The following KCNAB1 variants were observed in gnomAD, a reference collection of about 807,000 sequenced individuals.
KCNAB1 encodes voltage-gated potassium channel subunit beta-1.
Under a neutral mutation model 64.6 loss-of-function variants are expected in KCNAB1, and 35 were observed. The observed-to-expected ratio is 0.54, with a 90% CI of 0.41 to 0.72. KCNAB1 has a LOEUF of 0.72. KCNAB1 is among the 30% of genes least tolerant of loss of function. The pLI is 0.00. For missense variants in KCNAB1, 401 were observed against 512.9 expected (o/e 0.78, Z 2.11); for synonymous variants, 177 against 183.8 (o/e 0.96, Z 0.30).
intron 6 of KCNAB1, 57 bp from the exon 7 acceptor site, chr3:156,465,586 A>T: frequency 6.7e-7 from 1 of 1,484,262 alleles, no homozygotes; most frequent in Non-Finnish European, 9.4e-7. Flanking sequence ...CCAGAGATTT[A>T]GAGAAGAAAA....
intron 8 of KCNAB1, among the ~76,000 whole-genome samples, chr3:156,513,295 C>T (rs975941202): frequency 5.3e-5 from 8 of 152,034 alleles, no homozygotes; most frequent in African/African-American, 1.9e-4. Flanking sequence ...CATTTCATTC[C>T]AAATCCTGTT....
intron 1 of KCNAB1, among the ~76,000 whole-genome samples, chr3:156,307,806 A>G (rs945759075): frequency 6.6e-6 from 1 of 152,224 alleles, no homozygotes; most frequent in African/African-American, 2.4e-5. Flanking sequence ...ATTTTTCAGA[A>G]TACAGTAAGG....
intron 1 of KCNAB1, among the ~76,000 whole-genome samples, chr3:156,266,149 A>AT (rs948030160): frequency 2.0e-4 from 30 of 151,918 alleles, no homozygotes; most frequent in Non-Finnish European, 1.9e-4. Context: ...ATTTTAGCTC[A>AT]TTTTTTTCCC....
intron 8 of KCNAB1, among the ~76,000 whole-genome samples, chr3:156,488,143 T>C (rs1715348371): frequency 1.3e-5 from 2 of 152,142 alleles, no homozygotes; most frequent in African/African-American, 2.4e-5. Context: ...GAGTGTCTAC[T>C]GTATACCACA....
intron 1 of KCNAB1, among the ~76,000 whole-genome samples, chr3:156,125,818 A>G (rs1295968015): frequency 6.6e-6 from 1 of 152,226 alleles, no homozygotes; most frequent in Non-Finnish European, 1.5e-5. Flanking sequence ...GCCAACAGGC[A>G]GCAGGAGATC....
At chr3:156,407,058 C>T (rs1319815365) in intron 1 of KCNAB1, among the ~76,000 whole-genome samples, 1 of 152,216 alleles carries the variant, frequency 6.6e-6, no homozygotes, top group Non-Finnish European at 1.5e-5. Flanking sequence ...TCACTCTTCA[C>T]ATAGAGTCTG....
chr3:156,366,264 A>C (rs1344505200), intron 1 of KCNAB1, among the ~76,000 whole-genome samples: 1 of 152,150 alleles, frequency 6.6e-6, no homozygotes, highest in Non-Finnish European at 1.5e-5. Flanking sequence ...AAAAAGAGTG[A>C]ACTTTGAATA....
At chr3:156,286,065 G>A (rs1005493370) in intron 1 of KCNAB1, among the ~76,000 whole-genome samples, 1 of 152,214 alleles carries the variant, frequency 6.6e-6, no homozygotes, top group African/African-American at 2.4e-5. Flanking sequence ...TCTCAGTGGA[G>A]GTTCTCTGGT....
Position 156,395,543 on chromosome 3 carries a change from TCAAAAAAAAAAAAAAAAA to T in KCNAB1, c.276-26072_276-26055del, listed in dbSNP as rs1330075239. On this transcript the variant is annotated intron_variant, in intron 1 of 13. Transcript: ENST00000490337. ...CTGGGCGACAGAGCGAGACTCCGTC[TCAAAAAAAAAAAAAAAAA>T]AAAAAAAAAAAAAAAAAAAAAAAAT... Among the ~76,000 whole-genome samples, 3 of 8,434 alleles carry T rather than the reference TCAAAAAAAAAAAAAAAAA, an allele frequency of 3.6e-4. No homozygotes were observed. In the Admixed American group the frequency reaches 8.2e-3, roughly 23 times the overall value. The allele number at this position is 8,434 out of a possible 152,430, so 5.5% of individuals were successfully genotyped here.
In KCNAB1 at chr3:156,457,451, A is replaced by G; in HGVS notation, c.358-2A>G. 1.9e-6 allele frequency: 3 copies of G among 1,613,816 alleles called. No homozygotes were observed. Among genetic ancestry groups the G allele is most frequent in the Non-Finnish European group, 2.5e-6 (3 of 1,179,748 alleles). On this transcript the variant is annotated splice_acceptor_variant, in intron 3 of 13. Transcript: ENST00000490337. LOFTEE classifies it high-confidence loss of function. The stretch of plus-strand genomic sequence containing the variant: ...CTGAGTGACCTTTCTCTCCCCTTGC[A>G]GGTTGCTGAACGGCTGATGACCATC...
intron 13 of KCNAB1, among the ~76,000 whole-genome samples, chr3:156,534,646 A>G (rs1200670593): frequency 6.6e-6 from 1 of 152,164 alleles, no homozygotes; most frequent in Admixed American, 6.5e-5. Context: ...CCAGCCTAGC[A>G]AAATCCTACT....
intron 1 of KCNAB1, among the ~76,000 whole-genome samples, chr3:156,410,294 G>A (rs965125512): frequency 2.6e-5 from 4 of 152,122 alleles, no homozygotes; most frequent in African/African-American, 7.2e-5. Context: ...GTAGAGTACC[G>A]TGTTTGTGTA....
intron 1 of KCNAB1, among the ~76,000 whole-genome samples, chr3:156,266,466 C>T (rs1473097908): frequency 6.6e-6 from 1 of 152,214 alleles, no homozygotes; most frequent in East Asian, 1.9e-4. Context: ...AAAAGCACCT[C>T]TCTGCACAGC....
At chr3:156,170,250 A>G (rs1395675785) in intron 1 of KCNAB1, among the ~76,000 whole-genome samples, 1 of 145,992 alleles carries the variant, frequency 6.8e-6, no homozygotes, top group Non-Finnish European at 1.5e-5. Context: ...TAAGTGCAAC[A>G]TTTCCCTGAA....
chr3:156,367,936 T>A (rs1240745784), intron 1 of KCNAB1, among the ~76,000 whole-genome samples: 1 of 152,202 alleles, frequency 6.6e-6, no homozygotes, highest in Non-Finnish European at 1.5e-5. Context: ...AAACAAACAA[T>A]GTCCCCTTTC....
chr3:156,265,717 G>A (rs374681844), intron 1 of KCNAB1, among the ~76,000 whole-genome samples: 20 of 152,164 alleles, frequency 1.3e-4, no homozygotes, highest in African/African-American at 2.4e-4. Flanking sequence ...CTGTGAGGCC[G>A]GGTGCAGTGG....
intron 1 of KCNAB1, among the ~76,000 whole-genome samples, chr3:156,304,357 T>C (rs1271429014): frequency 6.6e-6 from 1 of 152,156 alleles, no homozygotes; most frequent in East Asian, 1.9e-4. Flanking sequence ...TGAGAAAAAC[T>C]CTGAAGGGGG....
chr3:156,292,107 A>G (rs764670633), intron 1 of KCNAB1: 2 of 1,613,996 alleles, frequency 1.2e-6, no homozygotes, highest in Non-Finnish European at 1.7e-6. Context: ...TCCACCGCAA[A>G]GCAGACTGGC....
intron 1 of KCNAB1, among the ~76,000 whole-genome samples, chr3:156,392,463 A>G (rs1373879760): frequency 1.3e-5 from 2 of 152,168 alleles, no homozygotes; most frequent in Non-Finnish European, 2.9e-5. Context: ...CTCACTTACT[A>G]ATTTCTGATG....
Sources: gnomAD v4.1 joint callset for allele counts (sites outside exome capture counted in the v4.1 genomes callset) on GRCh38, gnomAD v4.1.1 for gene constraint, MANE v1.5 for transcripts, NCBI Gene and HGNC (gene_info 2026-07-23, HGNC 2026-07-21) for gene names.